The following CCDC191 variants were observed in gnomAD, a reference collection of about 807,000 sequenced individuals.
CCDC191 encodes the protein coiled-coil domain-containing protein 191.
CCDC191 carries 99 observed loss-of-function variants against 114.0 expected under a neutral mutation model. That is an observed-to-expected ratio of 0.87 (90% CI 0.74 to 1.03). The LOEUF (loss-of-function observed/expected upper bound fraction) is 1.03, where lower values mean the gene tolerates loss of function less well. Ranked by LOEUF, CCDC191 falls within the 50% of genes least tolerant of loss-of-function variation. The probability of loss-of-function intolerance (pLI) is 0.00; values close to 1 mark genes in which losing one functional copy is unlikely to be tolerated. For missense variants in CCDC191, 973 were observed against 1,087.0 expected (o/e 0.90, Z 1.47); for synonymous variants, 351 against 376.0 (o/e 0.93, Z 0.77).
chr3:114,019,651 A>G (rs1000749874), intron 7 of CCDC191, among the ~76,000 whole-genome samples: 4 of 152,318 alleles, frequency 2.6e-5, no homozygotes, highest in Admixed American at 6.5e-5. Context: ...ATGCCATTTC[A>G]TAGTTTCCTA....
chr3:114,042,819 T>A lies in CCDC191; in HGVS notation c.299A>T (p.Asp100Val), dbSNP rs1476563890. ...TGCTAATTCTTGCTTAAGTTTGGTG[T>A]CTAACCAGTCATTGACCAGCTCCTG... ...EAQELVNDWLDTKLKQELASE... is the reference protein window; with the variant it reads ...EAQELVNDWLVTKLKQELASE... Residue 100 changes from aspartate (D) to valine (V), a missense_variant, in exon 4 of 17, where the codon GAC becomes GTC. By Grantham distance (152) the Asp-to-Val change is radical (BLOSUM62 -3). Coordinates refer to ENST00000295878, the MANE Select transcript of CCDC191 (RefSeq NM_020817.2). 6.2e-7 allele frequency: 1 copy of A among 1,603,120 alleles called. No homozygotes were observed. Among genetic ancestry groups the A allele is most frequent in the Non-Finnish European group, 8.5e-7 (1 of 1,176,352 alleles).
chr3:114,031,842 A>T, intron 6 of CCDC191, 63 bp from the exon 7 acceptor site: 1 of 740,706 alleles, frequency 1.4e-6, no homozygotes, highest in Non-Finnish European at 2.2e-6. Context: ...AGCAATTACA[A>T]CCTACTGTAG....
intron 8 of CCDC191, among the ~76,000 whole-genome samples, chr3:114,011,932 T>C (rs945472338): frequency 6.6e-6 from 1 of 152,232 alleles, no homozygotes; most frequent in African/African-American, 2.4e-5. Flanking sequence ...GAACTTATTA[T>C]GTAGTATCAG....
chr3:113,978,382 AG>A, intron 15 of CCDC191, 51 bp from the exon 16 acceptor site: 1 of 1,572,944 alleles, frequency 6.4e-7, no homozygotes, highest in Non-Finnish European at 8.7e-7. Context: ...CAGTTGACAA[AG>A]AATTAGAGCA....
intron 11 of CCDC191, chr3:114,003,224 T>A (rs1003096157): frequency 2.1e-4 from 204 of 985,260 alleles, no homozygotes; most frequent in Non-Finnish European, 2.4e-4. Context: ...GACTCTATAA[T>A]CAGTTGGGGC....
intron 4 of CCDC191, 24 bp from the exon 5 acceptor site, chr3:114,036,810 A>G: frequency 6.7e-7 from 1 of 1,483,200 alleles, no homozygotes; most frequent in South Asian, 1.4e-5. Context: ...AACAACAAAA[A>G]AGGGAATTTT....
intron 2 of CCDC191, among the ~76,000 whole-genome samples, chr3:114,051,220 T>C (rs1019602495): frequency 1.3e-5 from 2 of 152,220 alleles, no homozygotes; most frequent in African/African-American, 4.8e-5. Context: ...TCATTCTCCC[T>C]ACTCCTATGA....
chr3:114,003,578 A>C, intron 11 of CCDC191: 1 of 985,424 alleles, frequency 1.0e-6, no homozygotes, highest in Non-Finnish European at 1.2e-6. Flanking sequence ...GACTACTTGA[A>C]AGTAGACTGG....
chr3:114,027,853 T>C (rs1317058139), intron 7 of CCDC191, among the ~76,000 whole-genome samples: 1 of 152,156 alleles, frequency 6.6e-6, no homozygotes, highest in Non-Finnish European at 1.5e-5. Flanking sequence ...CCTGTGGTCA[T>C]ACCTAGGCTG....
intron 13 of CCDC191, among the ~76,000 whole-genome samples, chr3:113,996,840 G>A (rs921684371): frequency 6.6e-6 from 1 of 150,550 alleles, no homozygotes. Flanking sequence ...ATGGACACAG[G>A]GAGAGGAACA....
chr3:113,994,965 CAATAGAGG>C (rs951687653), intron 13 of CCDC191, among the ~76,000 whole-genome samples: 1 of 152,088 alleles, frequency 6.6e-6, no homozygotes, highest in African/African-American at 2.4e-5. Context: ...GAAGCAGTAT[CAATAGAGG>C]AATAGATAAC....
At chr3:113,987,541 A>C (rs1292492494) in intron 13 of CCDC191, among the ~76,000 whole-genome samples, 4 of 152,192 alleles carry the variant, frequency 2.6e-5, no homozygotes, top group Non-Finnish European at 5.9e-5. Flanking sequence ...CACTACATGT[A>C]AAGTGTTATT....
At chr3:114,015,245 A>C (rs1016632672) in intron 8 of CCDC191, among the ~76,000 whole-genome samples, 4 of 152,176 alleles carry the variant, frequency 2.6e-5, no homozygotes, top group African/African-American at 9.7e-5. Context: ...GGAAGAGGTA[A>C]AAGCATGTTC....
chr3:113,987,001 A>G (rs1577355144), intron 13 of CCDC191, among the ~76,000 whole-genome samples: 1 of 152,322 alleles, frequency 6.6e-6, no homozygotes, highest in Non-Finnish European at 1.5e-5. Context: ...AGTCTGTGAC[A>G]TTTTGTTATG....
chr3:114,025,854 G>A (rs2076313459), intron 7 of CCDC191, among the ~76,000 whole-genome samples: 1 of 152,092 alleles, frequency 6.6e-6, no homozygotes, highest in African/African-American at 2.4e-5. Context: ...ACTATGCCAA[G>A]AACATAGCTT....
chr3:113,981,530 C>T (rs1415247412), intron 13 of CCDC191, among the ~76,000 whole-genome samples: 1 of 152,124 alleles, frequency 6.6e-6, no homozygotes, highest in Non-Finnish European at 1.5e-5. Flanking sequence ...GCAAGTGACA[C>T]CTGCAGTGAA....
upstream of CCDC191, chr3:114,056,544 G>C (rs758254680): frequency 6.2e-6 from 10 of 1,609,392 alleles, no homozygotes; most frequent in Non-Finnish European, 7.6e-6. Context: ...GGTCACGCTG[G>C]GAATTGTAGT....
At chr3:114,018,434 T>A (rs2076196118) in intron 8 of CCDC191, among the ~76,000 whole-genome samples, 2 of 152,054 alleles carry the variant, frequency 1.3e-5, no homozygotes. Context: ...CTTAGCCTTC[T>A]GAGTAGCTGG....
intron 16 of CCDC191, among the ~76,000 whole-genome samples, chr3:113,965,784 G>A (rs1318475485): frequency 2.6e-5 from 4 of 151,930 alleles, no homozygotes; most frequent in East Asian, 3.9e-4. Flanking sequence ...TATTGGAGAC[G>A]GGGTTTCACC....
Sources: allele counts gnomAD v4.1 joint callset (sites outside exome capture counted in the v4.1 genomes callset), GRCh38; gene constraint gnomAD v4.1.1; transcripts MANE v1.5; gene names NCBI Gene and HGNC (gene_info 2026-07-23, HGNC 2026-07-21).